Variants in SCFD2 observed in about 807,000 individuals in gnomAD.
The protein encoded by SCFD2 is sec1 family domain-containing protein 2.
SCFD2 carries 54 observed loss-of-function variants against 58.9 expected under a neutral mutation model. The ratio of observed to expected loss-of-function variants is 0.92; its 90% CI spans 0.74 to 1.15. The LOEUF (loss-of-function observed/expected upper bound fraction) is 1.15, where lower values mean the gene tolerates loss of function less well. Ranked by LOEUF, SCFD2 falls within the 50% of genes most tolerant of loss-of-function variation. The probability of loss-of-function intolerance (pLI) is 0.00; values close to 1 mark genes in which losing one functional copy is unlikely to be tolerated. For synonymous variants in SCFD2, 321 were observed against 335.9 expected (o/e 0.96, Z 0.49); for missense variants, 805 against 836.6 (o/e 0.96, Z 0.47).
At chr4:53,135,327 TG>T (rs1725904195) in intron 5 of SCFD2, among the ~76,000 whole-genome samples, 1 of 152,260 alleles carries the variant, frequency 6.6e-6, no homozygotes, top group Non-Finnish European at 1.5e-5. Flanking sequence ...ACTCATGTAA[TG>T]TTTTGGAAAA....
intron 4 of SCFD2, among the ~76,000 whole-genome samples, chr4:53,214,970 C>T (rs1319473853): frequency 6.6e-5 from 10 of 152,002 alleles, no homozygotes; most frequent in Admixed American, 2.0e-4. Flanking sequence ...TGTAGATATG[C>T]GGCGTTATTT....
intron 5 of SCFD2, among the ~76,000 whole-genome samples, chr4:53,098,044 C>A (rs1390849927): frequency 6.6e-6 from 1 of 152,144 alleles, no homozygotes; most frequent in East Asian, 1.9e-4. Flanking sequence ...GTTGAACCAG[C>A]CTTGCATCCC....
chr4:53,216,847 T>C (rs752833506), intron 4 of SCFD2, among the ~76,000 whole-genome samples: 47 of 152,206 alleles, frequency 3.1e-4, no homozygotes, highest in Non-Finnish European at 6.0e-4. Context: ...GTATGTTGTG[T>C]CTTTGTTCTC....
chr4:53,142,563 A>G (rs1475408836), intron 5 of SCFD2, among the ~76,000 whole-genome samples: 3 of 152,242 alleles, frequency 2.0e-5, no homozygotes, highest in Non-Finnish European at 4.4e-5. Flanking sequence ...ACCTAGTTCC[A>G]GCACACACAA....
intron 4 of SCFD2, among the ~76,000 whole-genome samples, chr4:53,249,738 A>G (rs955137761): frequency 6.6e-6 from 1 of 151,846 alleles, no homozygotes; most frequent in African/African-American, 2.4e-5. Flanking sequence ...TAAAATACAG[A>G]CAAGCAAATG....
intron 5 of SCFD2, among the ~76,000 whole-genome samples, chr4:52,932,506 T>C (rs1553909556): frequency 6.6e-6 from 1 of 152,222 alleles, no homozygotes; most frequent in Non-Finnish European, 1.5e-5. Flanking sequence ...GACCGTATTA[T>C]AGGATTCTGT....
chr4:53,312,523 A>G (rs1470419328), intron 3 of SCFD2, among the ~76,000 whole-genome samples: 5 of 152,032 alleles, frequency 3.3e-5, no homozygotes, highest in African/African-American at 1.2e-4. Context: ...GTTCTCAATA[A>G]TGGTTAGTTA....
At chr4:52,984,372 CTG>C (rs1187859329) in intron 5 of SCFD2, among the ~76,000 whole-genome samples, 5 of 152,326 alleles carry the variant, frequency 3.3e-5, no homozygotes, top group Admixed American at 2.6e-4. Flanking sequence ...GACCTCAACA[CTG>C]TGCCACAAAG....
chr4:53,009,312 A>G (rs1393857937), intron 5 of SCFD2, among the ~76,000 whole-genome samples: 1 of 152,226 alleles, frequency 6.6e-6, no homozygotes, highest in African/African-American at 2.4e-5. Context: ...TAGGCACTAA[A>G]TAAACAAAGG....
chr4:53,249,958 T>C (rs1371578431), intron 4 of SCFD2, among the ~76,000 whole-genome samples: 1 of 152,142 alleles, frequency 6.6e-6, no homozygotes, highest in Non-Finnish European at 1.5e-5. Flanking sequence ...CAATGTCAAC[T>C]TTAAATGTAA....
At chr4:53,251,579 A>C (rs1730382658) in intron 4 of SCFD2, among the ~76,000 whole-genome samples, 1 of 152,240 alleles carries the variant, frequency 6.6e-6, no homozygotes, top group South Asian at 2.1e-4. Context: ...CTGGTTCAAT[A>C]TATGAAAATC....
At chr4:53,349,233 T>C (rs2149159880) in intron 2 of SCFD2, among the ~76,000 whole-genome samples, 1 of 152,350 alleles carries the variant, frequency 6.6e-6, no homozygotes, top group Non-Finnish European at 1.5e-5. Flanking sequence ...GCCCTCATTT[T>C]ATAAGATGAA....
intron 8 of SCFD2, among the ~76,000 whole-genome samples, chr4:52,879,411 G>A (rs1255734028): frequency 6.6e-6 from 1 of 152,264 alleles, no homozygotes; most frequent in African/African-American, 2.4e-5. Context: ...GGGCAGTTAT[G>A]ACTTAGGTGT....
At chr4:53,318,632 A>G (rs1213245158) in intron 2 of SCFD2, among the ~76,000 whole-genome samples, 7 of 152,228 alleles carry the variant, frequency 4.6e-5, no homozygotes, top group African/African-American at 1.7e-4. Flanking sequence ...TTTGTGCTCT[A>G]CTATAAATCT....
intron 4 of SCFD2, among the ~76,000 whole-genome samples, chr4:53,197,416 C>T (rs2148963690): frequency 6.6e-6 from 1 of 152,054 alleles, no homozygotes; most frequent in Middle Eastern, 3.4e-3. Flanking sequence ...CTTAAAAGGA[C>T]TCCAGGTCAG....
chr4:53,037,847 T>A (rs188551980), intron 5 of SCFD2, among the ~76,000 whole-genome samples: 130 of 152,234 alleles, frequency 8.5e-4, no homozygotes, highest in African/African-American at 2.9e-3. Flanking sequence ...TGAGAACTCA[T>A]CCTGGCAAAG....
intron 2 of SCFD2, among the ~76,000 whole-genome samples, chr4:53,329,095 C>T (rs1261926417): frequency 3.9e-5 from 6 of 152,316 alleles, no homozygotes; most frequent in African/African-American, 1.4e-4. Flanking sequence ...GAGGGTCCTA[C>T]GCCCACAGAG....
chr4:52,977,137 G>A (rs1400014857), intron 5 of SCFD2, among the ~76,000 whole-genome samples: 3 of 152,054 alleles, frequency 2.0e-5, no homozygotes, highest in East Asian at 1.9e-4. Flanking sequence ...TTGCTCCCAC[G>A]GGAGAGTTGA....
intron 4 of SCFD2, among the ~76,000 whole-genome samples, chr4:53,246,795 C>A (rs1426224344): frequency 2.0e-5 from 3 of 152,056 alleles, no homozygotes; most frequent in African/African-American, 7.2e-5. Context: ...CTGGCAAAGA[C>A]TTCATGATGA....
Sources: gnomAD v4.1 joint callset for allele counts (sites outside exome capture counted in the v4.1 genomes callset) on GRCh38, gnomAD v4.1.1 for gene constraint, MANE v1.5 for transcripts, NCBI Gene and HGNC (gene_info 2026-07-23, HGNC 2026-07-21) for gene names.